The following IGSF10 variants were observed in gnomAD, a reference collection of about 807,000 sequenced individuals.
The protein encoded by IGSF10 is calvaria mechanical force protein 608.
In IGSF10, 126 loss-of-function variants were observed where a neutral mutation model predicts 128.2. The observed-to-expected ratio is 0.98, with a 90% CI of 0.85 to 1.14. The LOEUF is 1.14. IGSF10 is among the 50% of genes most tolerant of loss of function. IGSF10 has a pLI of 0.00. For missense variants in IGSF10, 3,295 were observed against 3,149.8 expected (o/e 1.05, Z -1.10); for synonymous variants, 1,185 against 1,146.2 (o/e 1.03, Z -0.68).
intron 7 of IGSF10, among the ~76,000 whole-genome samples, chr3:151,441,686 T>C (rs1720854092): frequency 6.6e-6 from 1 of 152,144 alleles, no homozygotes; most frequent in South Asian, 2.1e-4. Flanking sequence ...TTGTGTAAAG[T>C]CATGCCACTT....
the IGSF10 span, among the ~76,000 whole-genome samples, chr3:151,474,990 G>A: frequency 1.3e-5 from 2 of 152,138 alleles, no homozygotes; most frequent in African/African-American, 4.8e-5. Flanking sequence ...TTTAGGTGGG[G>A]ACACAGCCAA....
the IGSF10 span, among the ~76,000 whole-genome samples, chr3:151,512,914 G>A: frequency 1.3e-5 from 2 of 152,152 alleles, no homozygotes; most frequent in Non-Finnish European, 2.9e-5. Flanking sequence ...ACTAAACCAG[G>A]AAGAAGTTGA....
At chr3:151,552,661 G>A in the IGSF10 span, among the ~76,000 whole-genome samples, 1 of 152,106 alleles carries the variant, frequency 6.6e-6, no homozygotes, top group African/African-American at 2.4e-5. Context: ...GCATAACATT[G>A]TTAGTCACAT....
chr3:151,546,041 AC>A, the IGSF10 span, among the ~76,000 whole-genome samples: 5,341 of 138,384 alleles, frequency 0.039, 148 homozygotes, highest in East Asian at 0.062. Context: ...ATATGTGGCC[AC>A]AAAAAAAAAA....
At position 151,456,884 on chromosome 3, in the gene IGSF10, A is replaced by G. The variant is rs150465513; in HGVS notation, c.324+142T>C. ...ACACACAGTTCCACAGTTAAAAATC[A>G]GTTAACATTCTCCATTGACGTCTGC... is the stretch of plus-strand genomic sequence containing the variant. On this transcript the variant is annotated intron_variant, in intron 4 of 7. Coordinates refer to ENST00000282466, the MANE Select transcript of IGSF10 (RefSeq NM_178822.5). 54 of 822,840 alleles carry G rather than the reference A, an allele frequency of 6.6e-5. No individual in the cohort carries two copies. The African/African-American group carries it at 7.5e-4, about 11-fold the overall frequency. 51.0% of individuals were successfully genotyped at this position (822,840 alleles called of 1,614,324 possible).
intron 1 of IGSF10, among the ~76,000 whole-genome samples, 155 bp from the exon 2 acceptor site, chr3:151,460,502 T>C (rs1039849532): frequency 6.6e-6 from 1 of 152,244 alleles, no homozygotes; most frequent in African/African-American, 2.4e-5. Flanking sequence ...AAGCGTTCTT[T>C]TATTATGATG....
At chr3:151,534,973 G>T in the IGSF10 span, among the ~76,000 whole-genome samples, 1 of 151,832 alleles carries the variant, frequency 6.6e-6, no homozygotes, top group Non-Finnish European at 1.5e-5. Context: ...ACTGATAAGG[G>T]ATCCAATACC....
chr3:151,539,079 T>C, the IGSF10 span, among the ~76,000 whole-genome samples: 2 of 152,174 alleles, frequency 1.3e-5, no homozygotes, highest in African/African-American at 2.4e-5. Context: ...ATCAGCTTCA[T>C]TGCTGTTGGA....
chr3:151,515,722 C>CGTGTGTGT, the IGSF10 span, among the ~76,000 whole-genome samples: 1 of 147,100 alleles, frequency 6.8e-6, no homozygotes, highest in Admixed American at 6.8e-5. Flanking sequence ...AATTATATTA[C>CGTGTGTGT]GTGTGTGTGT....
the IGSF10 span, among the ~76,000 whole-genome samples, chr3:151,582,493 A>G: frequency 6.6e-6 from 1 of 152,160 alleles, no homozygotes; most frequent in African/African-American, 2.4e-5. Flanking sequence ...TAAATGGAAT[A>G]ATATAATATA....
At chr3:151,470,563 C>T in the IGSF10 span, among the ~76,000 whole-genome samples, 2 of 152,132 alleles carry the variant, frequency 1.3e-5, no homozygotes, top group African/African-American at 2.4e-5. Flanking sequence ...ATAAAGTTGA[C>T]CTTACAACAG....
At chr3:151,559,332 C>T in the IGSF10 span, among the ~76,000 whole-genome samples, 30 of 152,226 alleles carry the variant, frequency 2.0e-4, 1 homozygote, top group Admixed American at 1.1e-3. Context: ...TTCACATGCA[C>T]AGTGAGAATT....
rs748792571 is a variant in IGSF10 at position 151,449,040 on chromosome 3, C to T, written c.941G>A (p.Gly314Asp). Residue 314 changes from glycine (G) to aspartate (D), a missense_variant, in exon 6 of 8, where the codon GGC becomes GAC. Physicochemically the swap from Gly to Asp is moderately conservative, Grantham distance 94. Coordinates refer to ENST00000282466, the MANE Select transcript of IGSF10 (RefSeq NM_178822.5). Reference sequence around the variant, plus strand: ...ATCTGTCATATTCAAAGTGAGGGAGCCAAAGGGTGCCATGAAACCTTGGGG... The same window carrying T: ...ATCTGTCATATTCAAAGTGAGGGAGTCAAAGGGTGCCATGAAACCTTGGGG... ...ISPQGFMAPF[G>D]SLTLNMTDQS... is the part of the protein sequence containing the mutation. 7.4e-6 allele frequency: 12 copies of T among 1,614,042 alleles called. No homozygotes were observed. The East Asian group carries it at 2.4e-4, about 33-fold the overall frequency.
chr3:151,515,406 G>A, the IGSF10 span, among the ~76,000 whole-genome samples: 3 of 145,742 alleles, frequency 2.1e-5, no homozygotes, highest in South Asian at 2.2e-4. Flanking sequence ...ACTCATAGGT[G>A]GGAATTGAAC....
the IGSF10 span, among the ~76,000 whole-genome samples, chr3:151,493,345 ATTT>A: frequency 6.6e-6 from 1 of 152,182 alleles, no homozygotes; most frequent in African/African-American, 2.4e-5. Flanking sequence ...TATAGTAACC[ATTT>A]TACTATCTAT....
At chr3:151,570,107 G>A in the IGSF10 span, among the ~76,000 whole-genome samples, 206 of 152,262 alleles carry the variant, frequency 1.4e-3, 6 homozygotes, top group East Asian at 0.034. Flanking sequence ...GTGTATATGT[G>A]CCACATTTTC....
In IGSF10 at chr3:151,445,427, T is replaced by G. The variant is rs758438293; in HGVS notation, c.4554A>C (p.Leu1518Phe). Reference protein sequence around the residue: ...SSRHNAKPQQLVAEVATSPKV... With the variant: ...SSRHNAKPQQFVAEVATSPKV... ...TGGGGGATGTTGCAACCTCTGCTACTAATTGCTGTGGTTTAGCATTGTGCC... is the reference window on the plus strand; with the variant it reads ...TGGGGGATGTTGCAACCTCTGCTACGAATTGCTGTGGTTTAGCATTGTGCC... Residue 1518 changes from leucine (L) to phenylalanine (F), a missense_variant, in exon 6 of 8, where the codon TTA (leucine) becomes TTC (phenylalanine). Transcript: ENST00000282466. 12 of 1,614,132 alleles carry G rather than the reference T, an allele frequency of 7.4e-6. No homozygotes were observed. In the East Asian group the frequency reaches 2.2e-4, roughly 30 times the overall value.
At chr3:151,618,457 G>A in the IGSF10 span, among the ~76,000 whole-genome samples, 2 of 152,184 alleles carry the variant, frequency 1.3e-5, no homozygotes, top group Non-Finnish European at 2.9e-5. Context: ...TTTGCCGGGC[G>A]CGGTGGCTCA....
the IGSF10 span, among the ~76,000 whole-genome samples, chr3:151,496,749 T>G: frequency 6.6e-6 from 1 of 151,806 alleles, no homozygotes; most frequent in African/African-American, 2.4e-5. Context: ...CTGAGGAATT[T>G]CCACACTGAC....
Sources: gnomAD v4.1 joint callset for allele counts (sites outside exome capture counted in the v4.1 genomes callset) on GRCh38, gnomAD v4.1.1 for gene constraint, MANE v1.5 for transcripts, NCBI Gene and HGNC (gene_info 2026-07-23, HGNC 2026-07-21) for gene names.